The following ANKRD33B variants were observed in gnomAD, a reference collection of about 807,000 sequenced individuals.
ANKRD33B encodes ankyrin repeat domain-containing protein 33B.
A neutral mutation model predicts 21.5 loss-of-function variants in ANKRD33B; 6 were observed. The ratio of observed to expected loss-of-function variants is 0.28; its 90% CI spans 0.15 to 0.55. ANKRD33B has a LOEUF of 0.55. ANKRD33B is among the 20% of genes least tolerant of loss of function. The pLI is 0.94. For missense variants in ANKRD33B, 698 were observed against 747.2 expected, an observed-to-expected ratio of 0.93 and a Z score of 0.77; for synonymous variants, 347 against 342.4, an observed-to-expected ratio of 1.01 and a Z score of -0.15.
intron 1 of ANKRD33B, among the ~76,000 whole-genome samples, chr5:10,606,861 T>A (rs185609494): frequency 2.0e-5 from 3 of 151,936 alleles, no homozygotes; most frequent in Admixed American, 6.5e-5. Context: ...CCTGAGTAGT[T>A]GCGATTACAG....
intron 1 of ANKRD33B, among the ~76,000 whole-genome samples, chr5:10,604,294 T>A (rs1735996080): frequency 6.8e-6 from 1 of 147,802 alleles, no homozygotes; most frequent in African/African-American, 2.5e-5. Context: ...TGGGTTCAAG[T>A]GATTCTCCCA....
At chr5:10,641,263 C>T (rs1737053582) in intron 3 of ANKRD33B, among the ~76,000 whole-genome samples, 1 of 132,404 alleles carries the variant, frequency 7.6e-6, no homozygotes, top group African/African-American at 2.8e-5. Flanking sequence ...CAGTCTCACT[C>T]TGTCGCCCAG....
At chr5:10,616,570 A>AAAAG (rs1340023842) in intron 1 of ANKRD33B, among the ~76,000 whole-genome samples, 2 of 151,588 alleles carry the variant, frequency 1.3e-5, no homozygotes, top group Non-Finnish European at 2.9e-5. Flanking sequence ...GTCTCAAAAA[A>AAAAG]AAAAAAAAAA....
chr5:10,599,149 G>A (rs1156273441), intron 1 of ANKRD33B, among the ~76,000 whole-genome samples: 3 of 152,072 alleles, frequency 2.0e-5, no homozygotes, highest in African/African-American at 7.2e-5. Flanking sequence ...AAATTCAGTG[G>A]AATCACACAG....
intron 3 of ANKRD33B, 121 bp downstream of exon 3, chr5:10,638,289 AAT>A: frequency 7.9e-7 from 1 of 1,272,908 alleles, no homozygotes; most frequent in Non-Finnish European, 1.1e-6. Flanking sequence ...TGCAATAAAT[AAT>A]AGTTTCTTCA....
chr5:10,635,434 G>C (rs949656988), intron 2 of ANKRD33B, among the ~76,000 whole-genome samples: 3 of 152,214 alleles, frequency 2.0e-5, no homozygotes, highest in Non-Finnish European at 2.9e-5. Context: ...AGTAAAGGAC[G>C]AGGGAGAGCA....
Position 10,565,594 on chromosome 5 carries a change from C to T in ANKRD33B, c.366+761C>T, listed in dbSNP as rs533418480. On this transcript the variant is annotated intron_variant, in intron 1 of 3. Coordinates refer to ENST00000296657, the MANE Select transcript of ANKRD33B (RefSeq NM_001164440.2). ...TGGAGGCAGGCACAGGCTATCCTTT[C>T]GTTATGACCAGATTCAGAGAAAACG... Among the ~76,000 whole-genome samples, 46 of 152,234 alleles carry T rather than the reference C, an allele frequency of 3.0e-4. 1 individual carries two copies. Among genetic ancestry groups the T allele is most frequent in the African/African-American group, 1.0e-3 (43 of 41,526 alleles).
chr5:10,618,257 C>T, intron 1 of ANKRD33B, 76 bp from the exon 2 acceptor site: 1 of 1,523,752 alleles, frequency 6.6e-7, no homozygotes. Context: ...GTAGTGGGTG[C>T]CCCTCGGGGT....
At position 10,635,133 on chromosome 5, in the gene ANKRD33B, TC is replaced by T. The variant is rs199991673; in HGVS notation, c.497-2893del. Among the ~76,000 whole-genome samples, 344 of 152,256 alleles carry T rather than the reference TC, an allele frequency of 2.3e-3. 7 individuals carry two copies. Among genetic ancestry groups the T allele is most frequent in the Admixed American group, 0.021 (320 of 15,294 alleles). Reference sequence around the variant, plus strand: ...GTTTGCTCTGTGGACTTTGAGTTTTTCCTCTTTCCACCTGTTCAAAGTGCTG... The same window carrying T: ...GTTTGCTCTGTGGACTTTGAGTTTTTCTCTTTCCACCTGTTCAAAGTGCTG... On this transcript the variant is annotated intron_variant, in intron 2 of 3. Transcript: ENST00000296657.
chr5:10,637,506 A>G (rs1036205232), intron 2 of ANKRD33B, among the ~76,000 whole-genome samples: 8 of 138,612 alleles, frequency 5.8e-5, no homozygotes, highest in Non-Finnish European at 9.6e-5. Context: ...GTGGAGAGAG[A>G]GACTCCTGCT....
At chr5:10,617,612 A>G (rs1251397630) in intron 1 of ANKRD33B, among the ~76,000 whole-genome samples, 2 of 151,652 alleles carry the variant, frequency 1.3e-5, no homozygotes, top group African/African-American at 4.8e-5. Context: ...CCTGTTTCCC[A>G]CCCAGCAGCC....
At chr5:10,581,882 G>A (rs555516573) in intron 1 of ANKRD33B, among the ~76,000 whole-genome samples, 3 of 152,284 alleles carry the variant, frequency 2.0e-5, no homozygotes, top group African/African-American at 7.2e-5. Context: ...ACAATCTCAT[G>A]AGCCAGTTTC....
At chr5:10,575,921 TTGA>T (rs1277946303) in intron 1 of ANKRD33B, among the ~76,000 whole-genome samples, 9 of 152,162 alleles carry the variant, frequency 5.9e-5, no homozygotes, top group East Asian at 5.8e-4. Context: ...TTTTTGTGCC[TTGA>T]TGGTGGTGGT....
chr5:10,649,954 G>A lies in ANKRD33B; in HGVS notation c.1326G>A (p.Ala442=). 1 of 1,531,260 alleles carries A rather than the reference G, an allele frequency of 6.5e-7. No individual in the cohort carries two copies. Among genetic ancestry groups the A allele is most frequent in the Non-Finnish European group, 8.7e-7 (1 of 1,144,188 alleles). The allele number at this position is 1,531,260 out of a possible 1,614,324, so 94.9% of individuals were successfully genotyped here. The change falls in exon 4 of 4, where the codon GCG becomes GCA. Residue 442 remains alanine (A), a synonymous_variant. Transcript: ENST00000296657. ...PAPTFQPERP[A]RKGSTKDSGH... ...CCACCTTCCAGCCCGAGCGGCCGGC[G>A]CGGAAGGGCAGCACCAAGGACAGCG... is the stretch of plus-strand genomic sequence containing the variant.
At chr5:10,583,960 T>C (rs1238130611) in intron 1 of ANKRD33B, among the ~76,000 whole-genome samples, 1 of 152,208 alleles carries the variant, frequency 6.6e-6, no homozygotes, top group East Asian at 1.9e-4. Context: ...CCAGGAGGCA[T>C]GAAATATCCC....
Position 10,619,053 on chromosome 5 carries a change from C to T in ANKRD33B, c.496+591C>T, listed in dbSNP as rs1330349072. Among the ~76,000 whole-genome samples, 4 of 152,132 alleles carry T rather than the reference C, an allele frequency of 2.6e-5. No individual in the cohort carries two copies. Among genetic ancestry groups the T allele is most frequent in the East Asian group, 1.9e-4 (1 of 5,198 alleles). On this transcript the variant is annotated intron_variant, in intron 2 of 3. Transcript: ENST00000296657. This position sits in a 1 kb window ranked among gnomAD's most constrained non-coding sequence, Gnocchi z 4.5. ...TATGTCAATATTGCCAAGTGCATTG[C>T]GACTCTCCTGCTTTGGAACTGTATC...
At chr5:10,587,078 G>C (rs192712594) in intron 1 of ANKRD33B, among the ~76,000 whole-genome samples, 2 of 151,996 alleles carry the variant, frequency 1.3e-5, no homozygotes, top group Non-Finnish European at 2.9e-5. Flanking sequence ...GCAGTTGTGC[G>C]ATCTTGGCTC....
At chr5:10,564,888 T>TC in intron 1 of ANKRD33B, 55 bp downstream of exon 1, 1 of 1,442,840 alleles carries the variant, frequency 6.9e-7, no homozygotes, top group Non-Finnish European at 9.1e-7. Flanking sequence ...ACTCCCCTCC[T>TC]CCCCACCACA....
intron 1 of ANKRD33B, among the ~76,000 whole-genome samples, chr5:10,573,442 T>C (rs1330142118): frequency 1.5e-5 from 2 of 137,696 alleles, no homozygotes; most frequent in Non-Finnish European, 3.0e-5. Context: ...CACTCCAGCC[T>C]GGGCAACAGA....
Sources: gnomAD v4.1 joint callset for allele counts (sites outside exome capture counted in the v4.1 genomes callset) on GRCh38, gnomAD v4.1.1 for gene constraint, Gnocchi (gnomAD v3.1) non-coding constraint, MANE v1.5 for transcripts, NCBI Gene and HGNC (gene_info 2026-07-23, HGNC 2026-07-21) for gene names.